Variants in USP32 observed in about 807,000 individuals in gnomAD.
USP32 encodes the protein ubiquitin specific peptidase 32.
A neutral mutation model predicts 204.8 loss-of-function variants in USP32; 59 were observed. The ratio of observed to expected loss-of-function variants is 0.29; its 90% CI spans 0.23 to 0.36. USP32 has a LOEUF of 0.36. Among genes scored for constraint, USP32 ranks in the 10% least tolerant of loss-of-function variants. USP32 has a pLI of 1.00. For missense variants in USP32, 1,160 were observed against 1,946.4 expected, an observed-to-expected ratio of 0.60 and a Z score of 7.60; for synonymous variants, 517 against 678.4, an observed-to-expected ratio of 0.76 and a Z score of 3.70.
At chr17:60,213,951 T>C (rs117693502) in intron 17 of USP32, among the ~76,000 whole-genome samples, 2 of 151,884 alleles carry the variant, frequency 1.3e-5, no homozygotes, top group African/African-American at 2.4e-5. Flanking sequence ...TTTTGTTTTT[T>C]TTTTTTTTAA....
At chr17:60,284,271 T>A (rs2087051598) in intron 5 of USP32, among the ~76,000 whole-genome samples, 1 of 150,712 alleles carries the variant, frequency 6.6e-6, no homozygotes. Flanking sequence ...TGGAGTGTAG[T>A]GGCATGATCT....
intron 6 of USP32, among the ~76,000 whole-genome samples, chr17:60,270,227 A>G (rs1034635980): frequency 6.6e-6 from 1 of 152,246 alleles, no homozygotes; most frequent in African/African-American, 2.4e-5. Context: ...AATTCTAAAA[A>G]GGTAAAAACA....
intron 6 of USP32, among the ~76,000 whole-genome samples, chr17:60,270,063 A>G (rs1009591114): frequency 6.2e-4 from 94 of 152,348 alleles, no homozygotes; most frequent in African/African-American, 2.3e-3. Context: ...GAAATTCTCT[A>G]CTACAGTGTC....
At chr17:60,201,683 G>C in intron 26 of USP32, among the ~76,000 whole-genome samples, 1 of 150,084 alleles carries the variant, frequency 6.7e-6, no homozygotes, top group East Asian at 1.9e-4. Context: ...TTTTGAGACG[G>C]AGTCTCGCTC....
chr17:60,253,537 G>A (rs773655428), intron 10 of USP32, among the ~76,000 whole-genome samples: 11 of 151,926 alleles, frequency 7.2e-5, no homozygotes, highest in African/African-American at 2.2e-4. Context: ...AGGCTGAGGC[G>A]GGCAGATCAC....
intron 13 of USP32, among the ~76,000 whole-genome samples, chr17:60,225,565 A>C (rs2085360596): frequency 6.6e-6 from 1 of 152,196 alleles, no homozygotes; most frequent in African/African-American, 2.4e-5. Context: ...TTTACAATTG[A>C]CCATTTCATT....
Position 60,178,050 on chromosome 17 carries a change from A to G in USP32, c.*1205T>C, listed in dbSNP as rs1443809905. 2.6e-5 allele frequency among the ~76,000 whole-genome samples: 4 copies of G among 152,340 alleles called. No individual in the cohort carries two copies. The East Asian group carries it at 7.7e-4, about 29-fold the overall frequency. ...AAAAAAATGAAGTAAGCAAAGAAAC[A>G]TAACTTTCGATGACTACTGTAAAAT... On this transcript the variant is annotated 3_prime_UTR_variant, in exon 34 of 34. Coordinates refer to ENST00000300896, the MANE Select transcript of USP32 (RefSeq NM_032582.4).
rs533053210 is a variant in USP32, at chr17:60,326,631, T to C, written c.186+18850A>G. On this transcript the variant is annotated intron_variant, in intron 2 of 33. Transcript: ENST00000300896. ...ATTTTCTCATTCTACTGGGACTTAA[T>C]ACTTATAGCAGCAGCACATGGAATT... Among the ~76,000 whole-genome samples, 14 of 152,336 alleles carry C rather than the reference T, an allele frequency of 9.2e-5. No homozygotes were observed. In the South Asian group the frequency reaches 1.2e-3, roughly 14 times the overall value.
At chr17:60,342,878 C>T (rs1207405599) in intron 2 of USP32, among the ~76,000 whole-genome samples, 1 of 152,198 alleles carries the variant, frequency 6.6e-6, no homozygotes, top group Non-Finnish European at 1.5e-5. Context: ...CCTTGCGCTT[C>T]CTGGGTGAGG....
intron 2 of USP32, among the ~76,000 whole-genome samples, chr17:60,306,483 C>CAA (rs2087726233): frequency 6.6e-6 from 1 of 151,870 alleles, no homozygotes; most frequent in African/African-American, 2.4e-5. Flanking sequence ...ACTAAAAATA[C>CAA]AAAAATTAGC....
chr17:60,392,673 G>A (rs1273618730), upstream of USP32: 1 of 442,092 alleles, frequency 2.3e-6, no homozygotes, highest in Admixed American at 2.5e-5. Flanking sequence ...CCTTAGGGAC[G>A]TCTTTGACTG....
At chr17:60,246,889 G>T (rs889467993) in intron 11 of USP32, among the ~76,000 whole-genome samples, 6 of 151,982 alleles carry the variant, frequency 3.9e-5, no homozygotes, top group East Asian at 1.9e-4. Context: ...GGGTTATTTG[G>T]TTTTTTGTTA....
intron 5 of USP32, among the ~76,000 whole-genome samples, chr17:60,285,577 G>A (rs1395336122): frequency 6.6e-6 from 1 of 152,146 alleles, no homozygotes; most frequent in Non-Finnish European, 1.5e-5. Flanking sequence ...TGCCGGAAAG[G>A]ATCCTATGAG....
At position 60,271,351 on chromosome 17, in the gene USP32, T is replaced by G. The variant is rs1477176888; in HGVS notation, c.702A>C (p.Glu234Asp). ...TGTAGAAAATGGAATGATCCCTACC[T>G]TCACTTAGAGATGGACGAATAGGTG... ...VSPPIRPSLS[E>D]GLFNAFDENR... The change falls in exon 6 of 34, where the codon GAA (glutamate) becomes GAC (aspartate). Residue 234 changes from glutamate (E) to aspartate (D), a missense_variant and splice_region_variant. Glu to Asp is a conservative substitution (Grantham distance 45, BLOSUM62 2). Coordinates refer to ENST00000300896, the MANE Select transcript of USP32 (RefSeq NM_032582.4). The G allele has an allele frequency of 4.3e-6, 7 of 1,613,822 alleles. No homozygotes were observed. The highest frequency in any genetic ancestry group is 5.9e-6 in the Non-Finnish European group (7 of 1,179,896).
At chr17:60,361,721 A>G (rs1212049276) in intron 1 of USP32, among the ~76,000 whole-genome samples, 1 of 152,170 alleles carries the variant, frequency 6.6e-6, no homozygotes, top group Admixed American at 6.6e-5. Flanking sequence ...AGCTGTTTAA[A>G]TAATGAAGAA....
intron 2 of USP32, among the ~76,000 whole-genome samples, chr17:60,325,824 G>A (rs564667015): frequency 3.9e-4 from 60 of 152,156 alleles, no homozygotes; most frequent in African/African-American, 1.4e-3. Flanking sequence ...AGCTACTTGG[G>A]AGGCTGAGGC....
intron 9 of USP32, among the ~76,000 whole-genome samples, chr17:60,258,809 TATG>T (rs1432931662): frequency 6.6e-6 from 1 of 152,214 alleles, no homozygotes; most frequent in Non-Finnish European, 1.5e-5. Context: ...TATGCTTCTC[TATG>T]ATAACTATAA....
intron 2 of USP32, among the ~76,000 whole-genome samples, chr17:60,334,357 AAC>A (rs1223840522): frequency 6.6e-6 from 1 of 152,190 alleles, no homozygotes; most frequent in Non-Finnish European, 1.5e-5. Flanking sequence ...TGATAAAATA[AAC>A]TAGTATCTAC....
At chr17:60,196,231 AC>A (rs1414352964) in intron 27 of USP32, among the ~76,000 whole-genome samples, 1 of 147,160 alleles carries the variant, frequency 6.8e-6, no homozygotes, top group Non-Finnish European at 1.5e-5. Flanking sequence ...ATGCCACTGC[AC>A]TCCAGCCTGG....
Sources: allele counts gnomAD v4.1 joint callset (sites outside exome capture counted in the v4.1 genomes callset), GRCh38; gene constraint gnomAD v4.1.1; transcripts MANE v1.5; gene names NCBI Gene and HGNC (gene_info 2026-07-23, HGNC 2026-07-21).